The following UGT1A10 variants were observed in gnomAD, a reference collection of about 807,000 sequenced individuals.
The protein encoded by UGT1A10 is UDP-glucuronosyltransferase 1A10.
UGT1A10 carries 49 observed loss-of-function variants against 45.8 expected under a neutral mutation model. The ratio of observed to expected loss-of-function variants is 1.07; its 90% CI spans 0.85 to 1.36. The LOEUF (loss-of-function observed/expected upper bound fraction) is 1.36. UGT1A10 is among the 40% of genes most tolerant of loss of function. The pLI, the probability that UGT1A10 is intolerant of heterozygous loss-of-function variation, is 0.00. For synonymous variants in UGT1A10, 284 were observed against 249.7 expected, an observed-to-expected ratio of 1.14 and a Z score of -1.29; for missense variants, 745 against 668.6, an observed-to-expected ratio of 1.11 and a Z score of -1.26.
chr2:233,706,368 A>G (rs970049717), intron 1 of UGT1A10, among the ~76,000 whole-genome samples: 7 of 152,312 alleles, frequency 4.6e-5, no homozygotes, highest in Middle Eastern at 3.4e-3. Context: ...AATTTAGGCC[A>G]TTGTACAAAA....
At chr2:233,749,911 T>C (rs1694301835) in intron 1 of UGT1A10, among the ~76,000 whole-genome samples, 2 of 151,950 alleles carry the variant, frequency 1.3e-5, no homozygotes, top group Non-Finnish European at 2.9e-5. Flanking sequence ...CACCTGGAAC[T>C]GTGAGTCAAT....
chr2:233,766,919 C>T, intron 1 of UGT1A10, 115 bp from the exon 2 acceptor site: 7 of 1,549,656 alleles, frequency 4.5e-6, no homozygotes, highest in Non-Finnish European at 6.1e-6. Context: ...CTATCTCAAA[C>T]ACGCATGCCT....
chr2:233,647,987 G>T, intron 1 of UGT1A10: 2 of 1,607,876 alleles, frequency 1.2e-6, no homozygotes, highest in Middle Eastern at 1.8e-4. Context: ...CTCATTCTCA[G>T]GGGGCATGAG....
intron 1 of UGT1A10, chr2:233,756,338 CTTGA>C (rs895884492): frequency 6.6e-6 from 1 of 152,178 alleles, no homozygotes; most frequent in Non-Finnish European, 1.5e-5. Context: ...CTAGTCATCT[CTTGA>C]TTACTTTTAC....
chr2:233,652,250 C>G (rs1166331218), intron 1 of UGT1A10, among the ~76,000 whole-genome samples: 1 of 152,124 alleles, frequency 6.6e-6, no homozygotes, highest in African/African-American at 2.4e-5. Context: ...GGCCTCTCAC[C>G]AGGATTATTT....
At chr2:233,731,284 C>CTTTTTTTTTT (rs78127606) in intron 1 of UGT1A10, among the ~76,000 whole-genome samples, 4 of 139,758 alleles carry the variant, frequency 2.9e-5, no homozygotes, top group Non-Finnish European at 3.2e-5. Context: ...GTTTTTCTTT[C>CTTTTTTTTTT]TTTTTTTTTT....
intron 1 of UGT1A10, among the ~76,000 whole-genome samples, chr2:233,738,200 C>A (rs1199969775): frequency 6.6e-6 from 1 of 152,170 alleles, no homozygotes; most frequent in Non-Finnish European, 1.5e-5. Context: ...CTCTCTCTCA[C>A]TTTCTGCCAG....
intron 1 of UGT1A10, among the ~76,000 whole-genome samples, chr2:233,708,858 T>C (rs188966229): frequency 6.6e-6 from 1 of 152,170 alleles, no homozygotes; most frequent in East Asian, 1.9e-4. Flanking sequence ...TTTTTTAATC[T>C]CTTTTATTGG....
intron 1 of UGT1A10, among the ~76,000 whole-genome samples, chr2:233,724,822 C>T (rs372493213): frequency 2.2e-5 from 3 of 135,968 alleles, no homozygotes; most frequent in Admixed American, 7.3e-5. Flanking sequence ...GCTGCAATCT[C>T]GGCACTTTGG....
At chr2:233,639,019 C>T (rs991489168) in intron 1 of UGT1A10, among the ~76,000 whole-genome samples, 4 of 152,144 alleles carry the variant, frequency 2.6e-5, no homozygotes, top group Non-Finnish European at 4.4e-5. Context: ...AGCCTTCGGC[C>T]GAGTTGAGGA....
intron 1 of UGT1A10, among the ~76,000 whole-genome samples, chr2:233,643,381 T>C (rs1381408789): frequency 6.6e-6 from 1 of 152,044 alleles, no homozygotes; most frequent in Non-Finnish European, 1.5e-5. Context: ...GGTGTTCCCT[T>C]AAGGCCCAAG....
Position 233,672,123 on chromosome 2 carries a change from T to C in UGT1A10, c.855+34746T>C, listed in dbSNP as rs758097643. On this transcript the variant is annotated intron_variant, in intron 1 of 4. Coordinates refer to ENST00000344644, the MANE Select transcript of UGT1A10 (RefSeq NM_019075.4). ...TGGTTGTAGTCATGCCAGAGGTGAG[T>C]TGGCAACTGGGAAGATCACTGAATT... The C allele has an allele frequency of 3.1e-6, 5 of 1,614,100 alleles. No individual in the cohort carries two copies. In the South Asian group the frequency reaches 3.3e-5, roughly 11 times the overall value.
chr2:233,696,004 G>A (rs1283289203), intron 1 of UGT1A10, among the ~76,000 whole-genome samples: 1 of 152,002 alleles, frequency 6.6e-6, no homozygotes, highest in East Asian at 1.9e-4. Flanking sequence ...ATAGCATCAG[G>A]TCCCACAGAC....
At chr2:233,647,310 A>C (rs1286815655) in intron 1 of UGT1A10, among the ~76,000 whole-genome samples, 3 of 152,100 alleles carry the variant, frequency 2.0e-5, no homozygotes, top group African/African-American at 7.2e-5. Context: ...ATTGTTTTAC[A>C]TTTTCGTATC....
chr2:233,656,196 G>A (rs2266376), intron 1 of UGT1A10, among the ~76,000 whole-genome samples: 38 of 152,286 alleles, frequency 2.5e-4, no homozygotes, highest in East Asian at 9.6e-4. Flanking sequence ...CATATGACCC[G>A]TGTTCACCCT....
At chr2:233,672,020 T>C in intron 1 of UGT1A10, 21 of 1,614,156 alleles carry the variant, frequency 1.3e-5, no homozygotes, top group Non-Finnish European at 1.6e-5. Context: ...GGGAAGCTAC[T>C]GGTAGTGCCC....
chr2:233,658,182 CT>C (rs2073896157), intron 1 of UGT1A10, among the ~76,000 whole-genome samples: 1 of 152,002 alleles, frequency 6.6e-6, no homozygotes, highest in African/African-American at 2.4e-5. Flanking sequence ...CCATGCCCAG[CT>C]AATTTTTGTA....
intron 1 of UGT1A10, among the ~76,000 whole-genome samples, chr2:233,725,279 GGCAGAGGCAGAGGCA>G (rs1325326342): frequency 1.4e-4 from 6 of 44,284 alleles, no homozygotes; most frequent in East Asian, 3.0e-3. Context: ...CAGAGGCAGA[GGCAGAGGCAGAGGCA>G]GAGGCAGAGG....
At position 233,772,646 on chromosome 2, in the gene UGT1A10, A is replaced by C; in HGVS notation, c.*87A>C. 6.5e-7 allele frequency: 1 copy of C among 1,549,870 alleles called. No homozygotes were observed. The highest frequency in any genetic ancestry group is 8.7e-7 in the Non-Finnish European group (1 of 1,147,250). ...ACAGAATCAGTGTTAAATTCATTTT[A>C]TTCTTATTAAGGAAATACTTTGCAT... On this transcript the variant is annotated 3_prime_UTR_variant, in exon 5 of 5. Coordinates refer to ENST00000344644, the MANE Select transcript of UGT1A10 (RefSeq NM_019075.4).
Sources: allele counts gnomAD v4.1 joint callset (sites outside exome capture counted in the v4.1 genomes callset), GRCh38; gene constraint gnomAD v4.1.1; transcripts MANE v1.5; gene names NCBI Gene and HGNC (gene_info 2026-07-23, HGNC 2026-07-21).